Variants in FAM168B observed in about 807,000 individuals in gnomAD.
FAM168B encodes myelin-associated neurite-outgrowth inhibitor.
A neutral mutation model predicts 21.8 loss-of-function variants in FAM168B; 19 were observed. That is an observed-to-expected ratio of 0.87 (90% CI 0.61 to 1.28). The LOEUF (loss-of-function observed/expected upper bound fraction) is 1.28, where lower values mean the gene tolerates loss of function less well. Ranked by LOEUF, FAM168B falls within the 50% of genes most tolerant of loss-of-function variation. FAM168B has a pLI of 0.00. For synonymous variants in FAM168B, 126 were observed against 104.8 expected (o/e 1.20, Z -1.24); for missense variants, 233 against 263.1 (o/e 0.89, Z 0.79).
intron 2 of FAM168B, among the ~76,000 whole-genome samples, chr2:131,075,771 A>G (rs888037326): frequency 1.3e-5 from 2 of 152,076 alleles, no homozygotes; most frequent in Non-Finnish European, 2.9e-5. Context: ...TACAGGCACG[A>G]GCCACCGCGC....
intron 3 of FAM168B, among the ~76,000 whole-genome samples, chr2:131,056,782 A>T (rs1208184112): frequency 6.6e-6 from 1 of 152,206 alleles, no homozygotes; most frequent in Non-Finnish European, 1.5e-5. Flanking sequence ...CACATGAATG[A>T]ATCACAAAGC....
chr2:131,060,908 G>C (rs1351494443), intron 3 of FAM168B, among the ~76,000 whole-genome samples: 1 of 151,808 alleles, frequency 6.6e-6, no homozygotes, highest in Non-Finnish European at 1.5e-5. Context: ...CTGGAGTGCA[G>C]TGGCGCAATC....
chr2:131,067,558 C>G (rs898544832), intron 3 of FAM168B, among the ~76,000 whole-genome samples: 6 of 152,140 alleles, frequency 3.9e-5, no homozygotes, highest in African/African-American at 1.2e-4. Context: ...TTGGGCAATA[C>G]AGTGAGACCC....
intron 3 of FAM168B, among the ~76,000 whole-genome samples, chr2:131,065,125 C>T (rs1321774016): frequency 6.6e-6 from 1 of 152,088 alleles, no homozygotes; most frequent in Non-Finnish European, 1.5e-5. Flanking sequence ...TAAAGCAGTG[C>T]CACTTTACAA....
intron 2 of FAM168B, among the ~76,000 whole-genome samples, chr2:131,079,761 A>G (rs542573988): frequency 6.6e-6 from 1 of 152,334 alleles, no homozygotes; most frequent in East Asian, 1.9e-4. Flanking sequence ...GAATGCCTCA[A>G]AAGAAAAGCA....
chr2:131,076,088 T>C (rs143838737), intron 2 of FAM168B, among the ~76,000 whole-genome samples: 1 of 152,236 alleles, frequency 6.6e-6, no homozygotes, highest in East Asian at 1.9e-4. Flanking sequence ...AGGGGCAGCT[T>C]TGGGAGGACC....
intron 3 of FAM168B, among the ~76,000 whole-genome samples, chr2:131,070,808 G>GA (rs1027782877): frequency 2.6e-5 from 4 of 152,264 alleles, no homozygotes; most frequent in South Asian, 2.1e-4. Flanking sequence ...ACTCTAAAGG[G>GA]AAAAAATGGG....
At chr2:131,064,753 G>A (rs1692470713) in intron 3 of FAM168B, among the ~76,000 whole-genome samples, 1 of 152,170 alleles carries the variant, frequency 6.6e-6, no homozygotes, top group African/African-American at 2.4e-5. Context: ...CTGGGATGAT[G>A]AGAACAGTGA....
intron 3 of FAM168B, among the ~76,000 whole-genome samples, 190 bp downstream of exon 3, chr2:131,071,665 G>A (rs1692876952): frequency 6.6e-6 from 1 of 152,146 alleles, no homozygotes. Context: ...GAGGACATGA[G>A]AAACACAGTA....
chr2:131,086,365 T>C (rs1693697993), intron 1 of FAM168B, among the ~76,000 whole-genome samples: 1 of 152,158 alleles, frequency 6.6e-6, no homozygotes, highest in Non-Finnish European at 1.5e-5. Flanking sequence ...TTCTGAGTTT[T>C]ACAATCTGGA....
intron 3 of FAM168B, among the ~76,000 whole-genome samples, chr2:131,056,573 C>G (rs1325402739): frequency 6.6e-6 from 1 of 152,090 alleles, no homozygotes; most frequent in Non-Finnish European, 1.5e-5. Context: ...CTTCCTGACC[C>G]CAACAGAGAA....
intron 3 of FAM168B, among the ~76,000 whole-genome samples, chr2:131,069,468 A>C (rs2105514349): frequency 6.6e-6 from 1 of 152,282 alleles, no homozygotes; most frequent in Middle Eastern, 3.4e-3. Context: ...AATCTTTGTG[A>C]AGTTAGGTTA....
Position 131,055,434 on chromosome 2 carries a change from T to G in FAM168B, c.313A>C (p.Thr105Pro), listed in dbSNP as rs1573750205. 1 of 1,609,180 alleles carries G rather than the reference T, an allele frequency of 6.2e-7. No homozygotes were observed. The highest frequency in any genetic ancestry group is 8.5e-7 in the Non-Finnish European group (1 of 1,178,504). Residue 105 changes from threonine to proline, a missense_variant, in exon 5 of 7, where the codon ACA becomes CCA. Physicochemically the swap from Thr to Pro is conservative, Grantham distance 38 (BLOSUM62 -1). Coordinates refer to ENST00000389915, the MANE Select transcript of FAM168B (RefSeq NM_001009993.4). The part of the protein sequence containing the change: ...SPYAQQGTYY[T>P]QPLYAAPPHV... ...GGAGGTGCTGCATACAGCGGCTGTG[T>G]GTAGTACGTGCCTTGCTGTGGGGAG...
Position 131,051,331 on chromosome 2 carries a change from T to C in FAM168B, c.*1134A>G, listed in dbSNP as rs1442891887. 7.1e-6 allele frequency: 7 copies of C among 985,388 alleles called. No homozygotes were observed. The highest frequency in any genetic ancestry group is 1.1e-4 in the East Asian group (1 of 8,794). The allele number at this position is 985,388 out of a possible 1,614,324, so 61.0% of individuals were successfully genotyped here. A position where few individuals can be genotyped will look rare whatever the true frequency, so the allele number is the denominator to read the frequency against. ...CACGGCCCTGCCTTTCTACAAGAAATTGGAGGAATTTTAAATAAAGTTTTG... is the reference window on the plus strand; with the variant it reads ...CACGGCCCTGCCTTTCTACAAGAAACTGGAGGAATTTTAAATAAAGTTTTG... On this transcript the variant is annotated 3_prime_UTR_variant, in exon 7 of 7. Transcript: ENST00000389915.
intron 2 of FAM168B, 78 bp from the exon 3 acceptor site, chr2:131,072,016 T>C: frequency 7.8e-7 from 1 of 1,282,828 alleles, no homozygotes; most frequent in African/African-American, 1.5e-5. Context: ...AAGCCATCGC[T>C]CTTACCTTCT....
intron 3 of FAM168B, among the ~76,000 whole-genome samples, chr2:131,066,275 A>C (rs760273006): frequency 6.6e-6 from 1 of 150,502 alleles, no homozygotes; most frequent in Non-Finnish European, 1.5e-5. Flanking sequence ...TCCCAGGTTC[A>C]TGCCATTCTT....
Position 131,083,375 on chromosome 2 carries a change from CAAAAA to C in FAM168B, c.-11-723_-11-719del, listed in dbSNP as rs146577387. On this transcript the variant is annotated intron_variant, in intron 1 of 6. Transcript: ENST00000389915. ...CTCAAAAAAACAAAACAAAACAAAA[CAAAAA>C]CAAACAAAAATTAGCCAAGTGTGGT... Among the ~76,000 whole-genome samples, 914 of 152,014 alleles carry C rather than the reference CAAAAA, an allele frequency of 6.0e-3. 14 individuals are homozygous for C. The highest frequency in any genetic ancestry group is 0.021 in the African/African-American group (890 of 41,458).
intron 3 of FAM168B, among the ~76,000 whole-genome samples, chr2:131,067,454 G>A (rs1692620362): frequency 6.6e-6 from 1 of 152,222 alleles, no homozygotes; most frequent in Admixed American, 6.5e-5. Context: ...CAAGAAAGCA[G>A]CAGGGGCTGG....
rs1338220683 is a variant in FAM168B, at chr2:131,055,262, G to A, written c.475+10C>T. On this transcript the variant is annotated intron_variant, in intron 5 of 6. Transcript: ENST00000389915. Reference sequence around the variant, plus strand: ...ACCATAGGACAGACACCGCAGGAACGAGGACTTACCTGCTGACATGGCCAT... The same window carrying A: ...ACCATAGGACAGACACCGCAGGAACAAGGACTTACCTGCTGACATGGCCAT... The A allele has an allele frequency of 1.9e-6, 3 of 1,542,346 alleles. No homozygotes were observed. Among genetic ancestry groups the A allele is most frequent in the Non-Finnish European group, 2.6e-6 (3 of 1,150,682 alleles).
Sources: allele counts gnomAD v4.1 joint callset (sites outside exome capture counted in the v4.1 genomes callset), GRCh38; gene constraint gnomAD v4.1.1; transcripts MANE v1.5; gene names NCBI Gene and HGNC (gene_info 2026-07-23, HGNC 2026-07-21).